Variants in ELP4 observed in about 807,000 individuals in gnomAD.
ELP4 encodes elongator complex protein 4.
A neutral mutation model predicts 48.9 loss-of-function variants in ELP4; 51 were observed. The ratio of observed to expected loss-of-function variants is 1.04; its 90% confidence interval spans 0.83 to 1.32. The LOEUF is 1.32. ELP4 is among the 40% of genes most tolerant of loss of function. The probability of loss-of-function intolerance (pLI) is 0.00; values close to 1 mark genes in which losing one functional copy is unlikely to be tolerated. For missense variants in ELP4, 519 were observed against 514.6 expected, an observed-to-expected ratio of 1.01 and a Z score of -0.08; for synonymous variants, 210 against 189.2, an observed-to-expected ratio of 1.11 and a Z score of -0.90.
At chr11:31,746,380 A>G (rs1227601154) in intron 9 of ELP4, among the ~76,000 whole-genome samples, 2 of 152,206 alleles carry the variant, frequency 1.3e-5, no homozygotes, top group Non-Finnish European at 2.9e-5. Flanking sequence ...CAGCCATCCC[A>G]TTACTGGGTA....
intron 9 of ELP4, 42 bp from the exon 10 acceptor site, chr11:31,783,351 T>C: frequency 1.3e-6 from 2 of 1,585,926 alleles, no homozygotes. Context: ...ATTTTTTTTC[T>C]TCTTTCTTCT....
chr11:31,611,423 C>T (rs1957976850), intron 5 of ELP4, among the ~76,000 whole-genome samples: 1 of 152,138 alleles, frequency 6.6e-6, no homozygotes, highest in Non-Finnish European at 1.5e-5. Flanking sequence ...TCCAATGATT[C>T]CCCAACTCAT....
intron 6 of ELP4, among the ~76,000 whole-genome samples, chr11:31,631,345 GC>G (rs1398377165): frequency 6.6e-6 from 1 of 152,046 alleles, no homozygotes; most frequent in Non-Finnish European, 1.5e-5. Context: ...GGCTTTAAGA[GC>G]AAACTTACTT....
chr11:31,741,307 C>T (rs1280934988), intron 9 of ELP4, among the ~76,000 whole-genome samples: 1 of 152,196 alleles, frequency 6.6e-6, no homozygotes, highest in Non-Finnish European at 1.5e-5. Flanking sequence ...TCTGTAGGCT[C>T]CACCTCTGGG....
At chr11:31,638,361 A>G (rs1945023726) in intron 7 of ELP4, among the ~76,000 whole-genome samples, 1 of 151,860 alleles carries the variant, frequency 6.6e-6, no homozygotes, top group Non-Finnish European at 1.5e-5. Flanking sequence ...CAGATTTGAA[A>G]CTAGCCTATA....
chr11:31,739,847 C>T (rs928057150), intron 9 of ELP4, among the ~76,000 whole-genome samples: 4 of 152,154 alleles, frequency 2.6e-5, no homozygotes, highest in Non-Finnish European at 4.4e-5. Flanking sequence ...TCAACCTTTC[C>T]ATTTATTTCT....
chr11:31,607,492 C>A (rs917073146), intron 5 of ELP4, among the ~76,000 whole-genome samples: 1 of 152,158 alleles, frequency 6.6e-6, no homozygotes, highest in African/African-American at 2.4e-5. Flanking sequence ...GGCAAGCTAG[C>A]CAAAATGCTG....
intron 4 of ELP4, among the ~76,000 whole-genome samples, chr11:31,595,783 G>A (rs575343199): frequency 1.2e-4 from 18 of 152,242 alleles, no homozygotes; most frequent in Middle Eastern, 3.4e-3. Context: ...ACTAATGAAA[G>A]TTAGTATATG....
At chr11:31,735,128 A>G (rs1947279067) in intron 9 of ELP4, among the ~76,000 whole-genome samples, 1 of 151,320 alleles carries the variant, frequency 6.6e-6, no homozygotes, top group African/African-American at 2.4e-5. Flanking sequence ...GTTTTCAACA[A>G]ATGGTATTGG....
chr11:31,610,039 G>A (rs111263502), intron 5 of ELP4, among the ~76,000 whole-genome samples: 32 of 152,072 alleles, frequency 2.1e-4, no homozygotes, highest in Middle Eastern at 3.4e-3. Context: ...GAGCAAGACC[G>A]TTGTCTTAAA....
chr11:31,668,675 C>CATGTGTGTGTGTGT (rs757792983), intron 9 of ELP4, among the ~76,000 whole-genome samples: 5,336 of 120,966 alleles, frequency 0.044, 516 homozygotes, highest in South Asian at 0.077. Flanking sequence ...CCTTTGGTAC[C>CATGTGTGTGTGTGT]GTGTGTGTGT....
intron 5 of ELP4, among the ~76,000 whole-genome samples, chr11:31,610,959 A>G (rs192653590): frequency 6.6e-6 from 1 of 152,260 alleles, no homozygotes; most frequent in East Asian, 1.9e-4. Context: ...CATCCAATCT[A>G]TTAGCATGTC....
chr11:31,789,484 C>T lies in ELP4; in HGVS notation c.*5960C>T. 1.8e-6 allele frequency: 1 copy of T among 540,772 alleles called. No individual in the cohort carries two copies. Among genetic ancestry groups the T allele is most frequent in the Non-Finnish European group, 3.2e-6 (1 of 309,026 alleles). 33.5% of individuals were successfully genotyped at this position (540,772 alleles called of 1,614,324 possible). A position where few individuals can be genotyped will look rare whatever the true frequency, so the allele number is the denominator to read the frequency against. ...AATGATACAAACTTGGAACATCAGT[C>T]CATAAACTATGAACAGATGGGTAGA... On this transcript the variant is annotated 3_prime_UTR_variant, in exon 10 of 10. Transcript: ENST00000640961.
chr11:31,741,604 G>A (rs574722951), intron 9 of ELP4, among the ~76,000 whole-genome samples: 27 of 152,308 alleles, frequency 1.8e-4, no homozygotes, highest in African/African-American at 6.3e-4. Flanking sequence ...CCACTGTTCT[G>A]CAGCCACCGC....
chr11:31,741,026 G>T (rs1019131912), intron 9 of ELP4, among the ~76,000 whole-genome samples: 1 of 152,100 alleles, frequency 6.6e-6, no homozygotes, highest in Admixed American at 6.5e-5. Context: ...CTGGAAAATC[G>T]GGTCACTCCC....
intron 9 of ELP4, chr11:31,720,006 C>T (rs978054331): frequency 1.3e-5 from 2 of 151,904 alleles, no homozygotes; most frequent in Non-Finnish European, 2.9e-5. Context: ...TGTAAAAAAG[C>T]TTTGTTTTTT....
Position 31,732,985 on chromosome 11 carries a change from C to G in ELP4, c.1144-50408C>G, listed in dbSNP as rs186427696. Among the ~76,000 whole-genome samples the G allele has an allele frequency of 5.0e-3, 766 of 152,160 alleles. 7 individuals are homozygous for G. Among genetic ancestry groups the G allele is most frequent in the African/African-American group, 0.018 (734 of 41,516 alleles). On this transcript the variant is annotated intron_variant, in intron 9 of 9. Coordinates refer to ENST00000640961, the MANE Select transcript of ELP4 (RefSeq NM_019040.5). ...GACAATAATAGTAGGAGATTTCATACCCCACTTTAAATAATAGAAGAGACA... is the reference window on the plus strand; with the variant it reads ...GACAATAATAGTAGGAGATTTCATAGCCCACTTTAAATAATAGAAGAGACA...
rs531404402 is a variant in ELP4 at position 31,616,036 on chromosome 11, A to C, written c.654-11074A>C. Among the ~76,000 whole-genome samples the C allele has an allele frequency of 2.0e-5, 3 of 152,218 alleles. No homozygotes were observed. In the South Asian group the frequency reaches 6.2e-4, roughly 32 times the overall value. On this transcript the variant is annotated intron_variant, in intron 5 of 9. Coordinates refer to ENST00000640961, the MANE Select transcript of ELP4 (RefSeq NM_019040.5). ...ATCCTATGACATTAGTAGTATCCCC[A>C]GTTTGAAAAGAAGGAAATAGAAACA...
intron 9 of ELP4, among the ~76,000 whole-genome samples, chr11:31,725,777 A>C (rs1343147344): frequency 1.3e-5 from 2 of 152,060 alleles, no homozygotes; most frequent in Non-Finnish European, 2.9e-5. Context: ...CCACCCTTAG[A>C]GGGTATCTGG....
Sources: gnomAD v4.1 joint callset for allele counts (sites outside exome capture counted in the v4.1 genomes callset) on GRCh38, gnomAD v4.1.1 for gene constraint, MANE v1.5 for transcripts, NCBI Gene and HGNC (gene_info 2026-07-23, HGNC 2026-07-21) for gene names.